SLCO1A2: variants seen among roughly 807,000 people sequenced by gnomAD.
The protein encoded by SLCO1A2 is solute carrier organic anion transporter family member 1A2.
In SLCO1A2, 67 loss-of-function variants were observed where a neutral mutation model predicts 69.0. The observed-to-expected ratio is 0.97, with a 90% confidence interval of 0.80 to 1.19. SLCO1A2 has a LOEUF of 1.19. Ranked by LOEUF, SLCO1A2 falls within the 50% of genes most tolerant of loss-of-function variation. SLCO1A2 has a pLI of 0.00. For synonymous variants in SLCO1A2, 260 were observed against 265.9 expected (o/e 0.98, Z 0.22); for missense variants, 787 against 793.7 (o/e 0.99, Z 0.10).
intron 2 of SLCO1A2, among the ~76,000 whole-genome samples, chr12:21,359,037 T>C (rs150285181): frequency 2.0e-5 from 3 of 152,272 alleles, no homozygotes; most frequent in African/African-American, 7.2e-5. Flanking sequence ...ACAGCAATGT[T>C]AACAGGAAGC....
At chr12:21,346,824 A>G (rs1201991303) in intron 2 of SLCO1A2, among the ~76,000 whole-genome samples, 1 of 152,146 alleles carries the variant, frequency 6.6e-6, no homozygotes, top group Non-Finnish European at 1.5e-5. Context: ...CCATACATAC[A>G]CCATTGGTGC....
intron 4 of SLCO1A2, among the ~76,000 whole-genome samples, chr12:21,314,016 G>A (rs1407319529): frequency 6.6e-6 from 1 of 150,886 alleles, no homozygotes; most frequent in Non-Finnish European, 1.5e-5. Flanking sequence ...GAAAGAAATT[G>A]GTGGCAAATA....
intron 1 of SLCO1A2, among the ~76,000 whole-genome samples, chr12:21,387,042 G>C (rs1344779880): frequency 6.6e-6 from 1 of 152,170 alleles, no homozygotes; most frequent in Non-Finnish European, 1.5e-5. Flanking sequence ...GGTGACTCTT[G>C]CTATGCTTTA....
rs1416772715 is a variant in SLCO1A2, at chr12:21,301,204, T to A, written c.655A>T (p.Asn219Tyr). Residue 219 changes from asparagine to tyrosine, a missense_variant, in exon 7 of 15, where the codon AAT becomes TAT. Coordinates refer to ENST00000683939, the MANE Select transcript of SLCO1A2 (RefSeq NM_001386879.1). ...ACAAATCCAGTGTCAACATAAACAT[T>A]TGCACAGAATGATGCCAACAAAAGT... ...IGLLLASFCANVYVDTGFVNT... is the reference protein window; with the variant it reads ...IGLLLASFCAYVYVDTGFVNT... 1 of 1,612,638 alleles carries A rather than the reference T, an allele frequency of 6.2e-7. No homozygotes were observed. The highest frequency in any genetic ancestry group is 8.5e-7 in the Non-Finnish European group (1 of 1,179,322).
chr12:21,310,633 G>C (rs1284543572), intron 4 of SLCO1A2, among the ~76,000 whole-genome samples: 2 of 152,298 alleles, frequency 1.3e-5, no homozygotes, highest in Non-Finnish European at 2.9e-5. Context: ...ACGGAGTCTC[G>C]CTATGTCGCC....
chr12:21,292,553 A>G (rs1947038991), intron 11 of SLCO1A2, among the ~76,000 whole-genome samples: 1 of 152,102 alleles, frequency 6.6e-6, no homozygotes, highest in African/African-American at 2.4e-5. Context: ...AATTTGTAAT[A>G]ACTAATAAGT....
intron 5 of SLCO1A2, among the ~76,000 whole-genome samples, chr12:21,305,626 G>A (rs1282485033): frequency 6.6e-6 from 1 of 152,234 alleles, no homozygotes; most frequent in Non-Finnish European, 1.5e-5. Context: ...GTGCCAGAAT[G>A]GGAAGGTTTT....
intron 2 of SLCO1A2, among the ~76,000 whole-genome samples, chr12:21,357,999 G>C (rs959003777): frequency 6.6e-6 from 1 of 152,118 alleles, no homozygotes; most frequent in Non-Finnish European, 1.5e-5. Context: ...TTGGTGGGTG[G>C]GTGGCGTGAG....
intron 11 of SLCO1A2, 138 bp downstream of exon 11, chr12:21,293,807 G>A (rs1035584050): frequency 8.3e-6 from 5 of 600,344 alleles, no homozygotes; most frequent in Non-Finnish European, 1.4e-5. Flanking sequence ...GACCATCATA[G>A]AGTTATTTTT....
chr12:21,394,958 C>G (rs1941363613), exon 1 of SLCO1A2: 2 of 152,194 alleles, frequency 1.3e-5, no homozygotes, highest in African/African-American at 4.8e-5. Flanking sequence ...CACAAAGCAC[C>G]GTAAGTGTGC....
At chr12:21,374,819 G>GTCTCTCTCTC (rs71043266) in intron 1 of SLCO1A2, among the ~76,000 whole-genome samples, 3,798 of 148,326 alleles carry the variant, frequency 0.026, 172 homozygotes, top group African/African-American at 0.089. Context: ...TTGAGACAGG[G>GTCTCTCTCTC]TCTCTCTCTC....
rs1308715175 is a variant in SLCO1A2, at chr12:21,267,265, T to C, written c.*2283A>G. Reference sequence around the variant, plus strand: ...CCAAGGTACTAAGTCCATAGCCATGTCTCTCTGGGCCTATGATGCTCCATT... The same window carrying C: ...CCAAGGTACTAAGTCCATAGCCATGCCTCTCTGGGCCTATGATGCTCCATT... On this transcript the variant is annotated 3_prime_UTR_variant, in exon 15 of 15. Transcript: ENST00000683939. 1.3e-5 allele frequency: 2 copies of C among 152,050 alleles called. No individual in the cohort carries two copies. Among genetic ancestry groups the C allele is most frequent in the East Asian group, 3.9e-4 (2 of 5,184 alleles). 9.4% of individuals were successfully genotyped at this position (152,050 alleles called of 1,614,324 possible).
intron 8 of SLCO1A2, among the ~76,000 whole-genome samples, chr12:21,299,854 G>A (rs1338705227): frequency 7.8e-6 from 1 of 127,506 alleles, no homozygotes; most frequent in African/African-American, 3.1e-5. Flanking sequence ...ATATATACGT[G>A]TATATATATA....
intron 3 of SLCO1A2, among the ~76,000 whole-genome samples, chr12:21,315,072 A>G (rs972983942): frequency 1.5e-4 from 23 of 152,136 alleles, no homozygotes; most frequent in Non-Finnish European, 3.1e-4. Context: ...CTCAATGCCT[A>G]CTCCACAGAA....
intron 4 of SLCO1A2, among the ~76,000 whole-genome samples, chr12:21,313,752 C>T (rs982538260): frequency 6.6e-6 from 1 of 151,308 alleles, no homozygotes; most frequent in African/African-American, 2.4e-5. Context: ...GGGCGGGTCA[C>T]GAGGTTAGGA....
At chr12:21,409,227 T>C (rs1941869651) in intron 1 of SLCO1A2, among the ~76,000 whole-genome samples, 1 of 152,172 alleles carries the variant, frequency 6.6e-6, no homozygotes, top group African/African-American at 2.4e-5. Context: ...GTGGTATAAC[T>C]CATTAAACTC....
In SLCO1A2 at chr12:21,275,422, C is replaced by A; in HGVS notation, c.1613G>T (p.Cys538Phe). The A allele has an allele frequency of 6.8e-7, 1 of 1,481,028 alleles. No homozygotes were observed. The highest frequency in any genetic ancestry group is 9.1e-7 in the Non-Finnish European group (1 of 1,101,886). The allele number at this position is 1,481,028 out of a possible 1,614,324, so 91.7% of individuals were successfully genotyped here. A position where few individuals can be genotyped will look rare whatever the true frequency, so the allele number is the denominator to read the frequency against. The change falls in exon 13 of 15, where the codon TGT becomes TTT. Residue 538 changes from cysteine to phenylalanine, a missense_variant and splice_region_variant. Coordinates refer to ENST00000683939, the MANE Select transcript of SLCO1A2 (RefSeq NM_001386879.1). ...AIPGYMVLLR[C>F]MKSEEKSLGV... ...AAGGGACTTCTCTTCAGATTTCATA[C>A]ACCTGAAAAGTAAATAAGTTTGTAA...
At chr12:21,319,457 G>C in intron 2 of SLCO1A2, 1 of 1,367,330 alleles carries the variant, frequency 7.3e-7, no homozygotes, top group Non-Finnish European at 9.8e-7. Flanking sequence ...GAAATATCCA[G>C]AACAATCTGA....
At chr12:21,278,962 G>GA (rs1399150853) in intron 12 of SLCO1A2, among the ~76,000 whole-genome samples, 1 of 151,772 alleles carries the variant, frequency 6.6e-6, no homozygotes, top group Non-Finnish European at 1.5e-5. Context: ...ATAATACAGA[G>GA]AAAAAATGCA....
Sources: gnomAD v4.1 joint callset for allele counts (sites outside exome capture counted in the v4.1 genomes callset) on GRCh38, gnomAD v4.1.1 for gene constraint, MANE v1.5 for transcripts, NCBI Gene and HGNC (gene_info 2026-07-23, HGNC 2026-07-21) for gene names.